Variants in ASB3 observed in about 807,000 individuals in gnomAD.
ASB3 encodes ankyrin repeat and SOCS box containing 3.
A neutral mutation model predicts 54.5 loss-of-function variants in ASB3; 41 were observed. The ratio of observed to expected loss-of-function variants is 0.75; its 90% CI spans 0.59 to 0.98. ASB3 has a LOEUF of 0.98. Among genes scored for constraint, ASB3 ranks in the 50% least tolerant of loss-of-function variants. The pLI is 0.00. For synonymous variants in ASB3, 266 were observed against 221.2 expected, an observed-to-expected ratio of 1.20 and a Z score of -1.80; for missense variants, 733 against 620.0, an observed-to-expected ratio of 1.18 and a Z score of -1.94.
chr2:53,734,354 C>A (rs1392282699), intron 3 of ASB3, among the ~76,000 whole-genome samples: 1 of 152,146 alleles, frequency 6.6e-6, no homozygotes, highest in Non-Finnish European at 1.5e-5. Context: ...ATAAAACAAA[C>A]AAACAAAATA....
At position 53,729,657 on chromosome 2, in the gene ASB3, T is replaced by C. The variant is rs574668719; in HGVS notation, c.356-87A>G. Reference sequence around the variant, plus strand: ...CTTTGGTGATGTTCTCATCACTTACTCACCTCAGAACCACAATGCTCTGAT... The same window carrying C: ...CTTTGGTGATGTTCTCATCACTTACCCACCTCAGAACCACAATGCTCTGAT... On this transcript the variant is annotated intron_variant, in intron 3 of 9. Transcript: ENST00000263634. 1.8e-4 allele frequency: 207 copies of C among 1,124,292 alleles called. 3 individuals are homozygous for C. The South Asian group carries it at 2.7e-3, about 15-fold the overall frequency. 69.6% of individuals were successfully genotyped at this position (1,124,292 alleles called of 1,614,324 possible).
intron 3 of ASB3, among the ~76,000 whole-genome samples, chr2:53,747,294 C>T (rs1672277868): frequency 1.3e-5 from 2 of 152,084 alleles, no homozygotes; most frequent in South Asian, 4.1e-4. Flanking sequence ...GCCTGTAATC[C>T]CAGCACTTAG....
chr2:53,712,441 A>T (rs1027040982), intron 7 of ASB3, among the ~76,000 whole-genome samples: 10 of 152,224 alleles, frequency 6.6e-5, no homozygotes, highest in Admixed American at 3.3e-4. Flanking sequence ...CAAAGGAGAA[A>T]AAAGGGTCTG....
chr2:53,785,405 A>T (rs555060398), intron 1 of ASB3, among the ~76,000 whole-genome samples: 1 of 151,824 alleles, frequency 6.6e-6, no homozygotes, highest in South Asian at 2.1e-4. Flanking sequence ...TCATGACTTA[A>T]GACTAGTGCT....
intron 1 of ASB3, among the ~76,000 whole-genome samples, chr2:53,776,567 G>C (rs1405582681): frequency 1.3e-5 from 2 of 152,108 alleles, no homozygotes; most frequent in East Asian, 3.8e-4. Context: ...TAGTACTCTG[G>C]AGTGCTGTGA....
At chr2:53,718,903 G>T (rs1391483374) in intron 5 of ASB3, among the ~76,000 whole-genome samples, 1 of 151,996 alleles carries the variant, frequency 6.6e-6, no homozygotes, top group African/African-American at 2.4e-5. Context: ...AAAAGGTCAG[G>T]GGTCACTAGT....
chr2:53,753,525 T>C (rs891691421), intron 2 of ASB3, among the ~76,000 whole-genome samples: 2 of 152,146 alleles, frequency 1.3e-5, no homozygotes, highest in African/African-American at 4.8e-5. Flanking sequence ...TAGATGTATA[T>C]ATACATGGGT....
intron 4 of ASB3, 102 bp from the exon 5 acceptor site, chr2:53,728,949 A>C (rs1671154604): frequency 7.4e-7 from 1 of 1,350,542 alleles, no homozygotes; most frequent in African/African-American, 1.5e-5. Flanking sequence ...CTCTCACTAA[A>C]GGATAACTTG....
chr2:53,694,601 G>A (rs905684933), intron 8 of ASB3: 1 of 152,068 alleles, frequency 6.6e-6, no homozygotes, highest in African/African-American at 2.4e-5. Context: ...GCCTTCCTCT[G>A]TTCTTTCAAA....
At chr2:53,767,071 T>C (rs185340607) in intron 1 of ASB3, among the ~76,000 whole-genome samples, 16 of 152,310 alleles carry the variant, frequency 1.1e-4, no homozygotes, top group Middle Eastern at 3.4e-3. Context: ...ATGAAAGCTG[T>C]AGTTTCCCCC....
At chr2:53,780,615 C>G (rs984299456) in intron 1 of ASB3, among the ~76,000 whole-genome samples, 1 of 151,884 alleles carries the variant, frequency 6.6e-6, no homozygotes, top group African/African-American at 2.4e-5. Context: ...CATGTCTCTA[C>G]AAAAATGTAA....
intron 2 of ASB3, among the ~76,000 whole-genome samples, chr2:53,758,567 AGGCAATATTG>A: frequency 6.6e-6 from 1 of 152,312 alleles, no homozygotes; most frequent in Middle Eastern, 3.4e-3. Context: ...TTGAGCGCAA[AGGCAATATTG>A]GGCATGCTGG....
chr2:53,745,576 A>G (rs1355466999), intron 3 of ASB3, among the ~76,000 whole-genome samples: 2 of 152,016 alleles, frequency 1.3e-5, no homozygotes, highest in East Asian at 3.9e-4. Flanking sequence ...GATCCAACAC[A>G]CCTCTCATGT....
chr2:53,700,292 A>C lies in ASB3; in HGVS notation c.1217T>G (p.Leu406Arg). 1.2e-6 allele frequency: 2 copies of C among 1,613,926 alleles called. No individual in the cohort carries two copies. The highest frequency in any genetic ancestry group is 2.2e-5 in the South Asian group (2 of 91,038). ...PHLLVAGFDP[L>R]ILLCNSWIDS... ...TTACCAAGAATTGCACAGTAGAATC[A>C]GTGGGTCAAATCCAGCAACCAGAAG... Residue 406 changes from leucine to arginine, a missense_variant, in exon 8 of 10, where the codon CTG becomes CGG. By Grantham distance (102) the Leu-to-Arg change is moderately radical. Transcript: ENST00000263634.
chr2:53,678,188 G>T (rs886115687), intron 9 of ASB3, among the ~76,000 whole-genome samples: 2 of 151,498 alleles, frequency 1.3e-5, no homozygotes, highest in African/African-American at 4.9e-5. Flanking sequence ...TTACTATCTT[G>T]GTAAATTACC....
At chr2:53,785,973 TA>T (rs3841310) in intron 1 of ASB3, among the ~76,000 whole-genome samples, 12 of 151,988 alleles carry the variant, frequency 7.9e-5, no homozygotes, top group African/African-American at 2.9e-4. Flanking sequence ...TTCCTGATGT[TA>T]AAAAAAAATT....
rs540889745 is a variant in ASB3 at position 53,767,094 on chromosome 2, C to T, written c.-13-1509G>A. Among the ~76,000 whole-genome samples, 34 of 152,292 alleles carry T rather than the reference C, an allele frequency of 2.2e-4. 1 individual carries two copies. The South Asian group carries it at 6.8e-3, about 31-fold the overall frequency. On this transcript the variant is annotated intron_variant, in intron 1 of 9. Transcript: ENST00000263634. ...TGTAGTTTCCCCCTAGAAAAGTGTA[C>T]ACCCCAAATTTTGTATACAAATTCA...
At chr2:53,726,609 T>C (rs1671008959) in intron 5 of ASB3, among the ~76,000 whole-genome samples, 2 of 150,948 alleles carry the variant, frequency 1.3e-5, no homozygotes, top group Non-Finnish European at 1.5e-5. Context: ...CACACACACA[T>C]ATATATACAC....
chr2:53,782,242 A>G (rs1034847451), intron 1 of ASB3, among the ~76,000 whole-genome samples: 1 of 152,186 alleles, frequency 6.6e-6, no homozygotes, highest in Non-Finnish European at 1.5e-5. Context: ...CTAAGCACAT[A>G]CATTTTCCTC....
Sources: allele counts gnomAD v4.1 joint callset (sites outside exome capture counted in the v4.1 genomes callset), GRCh38; gene constraint gnomAD v4.1.1; transcripts MANE v1.5; gene names NCBI Gene and HGNC (gene_info 2026-07-23, HGNC 2026-07-21).